Variants in PGBD1 observed in about 807,000 individuals in gnomAD.
PGBD1 encodes piggyBac transposable element-derived protein 1.
A neutral mutation model predicts 34.7 loss-of-function variants in PGBD1; 25 were observed. That is an observed-to-expected ratio of 0.72 (90% CI 0.52 to 1.00). The LOEUF is 1.00. PGBD1 is among the 50% of genes least tolerant of loss of function. PGBD1 has a pLI of 0.00. For synonymous variants in PGBD1, 292 were observed against 335.7 expected, an observed-to-expected ratio of 0.87 and a Z score of 1.42; for missense variants, 830 against 959.4, an observed-to-expected ratio of 0.87 and a Z score of 1.78.
In PGBD1 at chr6:28,300,140, A is replaced by G. The variant is rs1172919997; in HGVS notation, c.870-584A>G. ...CCAGAGTAGTATGTCCATCAGATGA[A>G]TGTAGAACTAGCAGGGGCTAAGTCC... On this transcript the variant is annotated intron_variant, in intron 6 of 6. Coordinates refer to ENST00000682144, the MANE Select transcript of PGBD1 (RefSeq NM_032507.4). This position sits in a 1 kb window ranked among gnomAD's most constrained non-coding sequence, Gnocchi z 4.0. Among the ~76,000 whole-genome samples, 1 of 152,230 alleles carries G rather than the reference A, an allele frequency of 6.6e-6. No individual in the cohort carries two copies. The highest frequency in any genetic ancestry group is 1.5e-5 in the Non-Finnish European group (1 of 68,042).
Position 28,287,179 on chromosome 6 carries a change from TG to T in PGBD1, c.642+12del. 5.7e-6 allele frequency: 9 copies of T among 1,591,606 alleles called. No homozygotes were observed. Among genetic ancestry groups the T allele is most frequent in the Non-Finnish European group, 7.8e-6 (9 of 1,159,530 alleles). ...CCAGTCAGGTCCCAGGTAAGTAGGA[TG>T]CCCAAGCTTGTAGGAATATCAGTAG... On this transcript the variant is annotated intron_variant, in intron 4 of 6. Transcript: ENST00000682144.
In PGBD1 at chr6:28,287,112, G is replaced by GA. The variant is rs749589486; in HGVS notation, c.593dup (p.Asn198LysfsTer12). On this transcript the variant is annotated frameshift_variant, in exon 4 of 7. Transcript: ENST00000682144. LOFTEE classifies it high-confidence loss of function. ...TCCCCACGGATCAGCTCATCTCCAG[G>GA]AAAAAAACCCCAGAGACAAGGCTGT... is the stretch of plus-strand genomic sequence containing the variant. The GA allele has an allele frequency of 1.2e-5, 20 of 1,613,776 alleles. No individual in the cohort carries two copies. The highest frequency in any genetic ancestry group is 6.7e-5 in the Admixed American group (4 of 59,968).
Position 28,297,822 on chromosome 6 carries a change from T to TTG in PGBD1, c.773-72_773-71insGT. ...TCTATTCCCTACCCTGGAAGTTTTT[T>TTG]TTTTTTTTTTTTTTTTTTTTTTTCA... On this transcript the variant is annotated intron_variant, in intron 5 of 6. Coordinates refer to ENST00000682144, the MANE Select transcript of PGBD1 (RefSeq NM_032507.4). 6 of 173,644 alleles carry TTG rather than the reference T, an allele frequency of 3.5e-5. No individual in the cohort carries two copies. In the South Asian group the frequency reaches 9.3e-4, roughly 27 times the overall value. The allele number at this position is 173,644 out of a possible 1,614,324, so 10.8% of individuals were successfully genotyped here. A position where few individuals can be genotyped will look rare whatever the true frequency, so the allele number is the denominator to read the frequency against.
intron 4 of PGBD1, among the ~76,000 whole-genome samples, chr6:28,295,984 C>T (rs190886106): frequency 1.3e-5 from 2 of 152,304 alleles, no homozygotes; most frequent in Non-Finnish European, 2.9e-5. Flanking sequence ...AAGACTGGCA[C>T]TGTGTCCTTT....
At chr6:28,295,920 A>G (rs1361029403) in intron 4 of PGBD1, among the ~76,000 whole-genome samples, 1 of 152,194 alleles carries the variant, frequency 6.6e-6, no homozygotes, top group Non-Finnish European at 1.5e-5. Flanking sequence ...TTAAAGAGAA[A>G]ACATCTTCTG....
At chr6:28,286,688 T>C (rs1762293662) in intron 3 of PGBD1, among the ~76,000 whole-genome samples, 1 of 152,118 alleles carries the variant, frequency 6.6e-6, no homozygotes, top group South Asian at 2.1e-4. Flanking sequence ...CTTTCCTGTT[T>C]CCCCTCAGTC....
chr6:28,301,638 A>T lies in PGBD1; in HGVS notation c.1784A>T (p.Asp595Val). ...CAAGAAGAATCAACTATGAAGGTAGATGAGGATCCTGATCTTGGGTTAGGT... is the reference window on the plus strand; with the variant it reads ...CAAGAAGAATCAACTATGAAGGTAGTTGAGGATCCTGATCTTGGGTTAGGT... ...PYQEESTMKV[D>V]EDPDLGLGGN... Residue 595 changes from aspartate (D) to valine (V), a missense_variant, in exon 7 of 7, where the codon GAT (aspartate) becomes GTT (valine). Asp to Val is a radical substitution (Grantham distance 152). This residue lies in a region of PGBD1 where 372 missense variants were observed against 427.9 expected (regional missense o/e 0.87). Transcript: ENST00000682144. 2 of 1,614,210 alleles carry T rather than the reference A, an allele frequency of 1.2e-6. No homozygotes were observed. The highest frequency in any genetic ancestry group is 1.1e-5 in the South Asian group (1 of 91,092).
At chr6:28,288,442 C>A (rs1762352277) in intron 4 of PGBD1, among the ~76,000 whole-genome samples, 1 of 152,156 alleles carries the variant, frequency 6.6e-6, no homozygotes, top group Non-Finnish European at 1.5e-5. Context: ...TAGCTCATGG[C>A]AGAAAGTGGA....
chr6:28,302,546 T>C lies in PGBD1; in HGVS notation c.*262T>C, dbSNP rs914563261. On this transcript the variant is annotated 3_prime_UTR_variant, in exon 7 of 7. Coordinates refer to ENST00000682144, the MANE Select transcript of PGBD1 (RefSeq NM_032507.4). Reference sequence around the variant, plus strand: ...CATGGGAAATCATGTATTTGTTCAATTGACTACTTTGTGCACTTATTTATT... The same window carrying C: ...CATGGGAAATCATGTATTTGTTCAACTGACTACTTTGTGCACTTATTTATT... The C allele has an allele frequency of 1.8e-5, 7 of 390,836 alleles. No homozygotes were observed. The highest frequency in any genetic ancestry group is 1.7e-4 in the Admixed American group (4 of 23,726). The allele number at this position is 390,836 out of a possible 1,614,324, so 24.2% of individuals were successfully genotyped here. A position where few individuals can be genotyped will look rare whatever the true frequency, so the allele number is the denominator to read the frequency against.
In PGBD1 at chr6:28,300,970, G is replaced by GATCC. The variant is rs1762818442; in HGVS notation, c.1118_1121dup (p.Gln374HisfsTer24). ...ATGTGGAAAAAGATAATGAGCCTGA[G>GATCC]ATCCAGCCTGCTCAAAAGAAGTTAA... On this transcript the variant is annotated frameshift_variant, in exon 7 of 7. Coordinates refer to ENST00000682144, the MANE Select transcript of PGBD1 (RefSeq NM_032507.4). LOFTEE classifies it low-confidence loss of function (END_TRUNC). The surrounding 1 kb of genome is among the most constrained non-coding windows in gnomAD (Gnocchi z 4.0). 6.2e-7 allele frequency: 1 copy of GATCC among 1,614,028 alleles called. No homozygotes were observed. Among genetic ancestry groups the GATCC allele is most frequent in the Admixed American group, 1.7e-5 (1 of 59,984 alleles).
In PGBD1 at chr6:28,300,201, G is replaced by A. The variant is rs913783612; in HGVS notation, c.870-523G>A. Among the ~76,000 whole-genome samples, 2 of 152,172 alleles carry A rather than the reference G, an allele frequency of 1.3e-5. No individual in the cohort carries two copies. The highest frequency in any genetic ancestry group is 4.8e-5 in the African/African-American group (2 of 41,430). On this transcript the variant is annotated intron_variant, in intron 6 of 6. Transcript: ENST00000682144. The surrounding 1 kb of genome is among the most constrained non-coding windows in gnomAD (Gnocchi z 4.0). Reference sequence around the variant, plus strand: ...AGAAATTCTGTGAGAGATGTCAGAAGACCTGGTAAATAATAACCTTTTTTT... The same window carrying A: ...AGAAATTCTGTGAGAGATGTCAGAAAACCTGGTAAATAATAACCTTTTTTT...
intron 6 of PGBD1, among the ~76,000 whole-genome samples, chr6:28,298,863 G>A (rs1167567870): frequency 1.3e-5 from 2 of 152,106 alleles, no homozygotes; most frequent in Admixed American, 6.5e-5. Context: ...CACAAGCAGA[G>A]GGTTGGCTTC....
chr6:28,297,845 T>TTTTTAAAAAAAAAAAA, intron 5 of PGBD1, 50 bp from the exon 6 acceptor site: 4 of 283,632 alleles, frequency 1.4e-5, no homozygotes, highest in African/African-American at 3.5e-5. Context: ...TTTTTTTTTT[T>TTTTTAAAAAAAAAAAA]CAAAATTCAC....
chr6:28,284,019 G>A lies in PGBD1; in HGVS notation c.206G>A (p.Cys69Tyr). Residue 69 changes from cysteine to tyrosine, a missense_variant, in exon 2 of 7, where the codon TGT becomes TAT. Physicochemically the swap from Cys to Tyr is radical, Grantham distance 194 (BLOSUM62 -2). Around this residue, in one of 3 missense-constraint regions of PGBD1, gnomAD observed 457 missense variants for 515.4 expected, o/e 0.89. Transcript: ENST00000682144. ...GCTCTGGCCCAACTCCGAGAACTTT[G>A]TCATCAATGGCTGAGACCGGAGATG... ...QEALAQLREL[C>Y]HQWLRPEMHT... 6.2e-7 allele frequency: 1 copy of A among 1,614,162 alleles called. No individual in the cohort carries two copies. Among genetic ancestry groups the A allele is most frequent in the Non-Finnish European group, 8.5e-7 (1 of 1,180,002 alleles).
chr6:28,301,407 A>G lies in PGBD1; in HGVS notation c.1553A>G (p.Lys518Arg), dbSNP rs758364503. 4 of 1,614,088 alleles carry G rather than the reference A, an allele frequency of 2.5e-6. No homozygotes were observed. Among genetic ancestry groups the G allele is most frequent in the East Asian group, 4.5e-5 (2 of 44,872 alleles). ...ADNGHLDQKD[K>R]FTKLRPLIKQ... is the part of the protein sequence containing the mutation. ...AATGGCCACCTAGATCAAAAAGATA[A>G]GTTTACAAAGTTGAGACCTCTCATA... The change falls in exon 7 of 7, where the codon AAG becomes AGG. Residue 518 changes from lysine to arginine, a missense_variant. Coordinates refer to ENST00000682144, the MANE Select transcript of PGBD1 (RefSeq NM_032507.4).
Position 28,301,913 on chromosome 6 carries a change from T to C in PGBD1, c.2059T>C (p.Cys687Arg). 1.9e-6 allele frequency: 3 copies of C among 1,614,108 alleles called. No individual in the cohort carries two copies. The highest frequency in any genetic ancestry group is 2.5e-6 in the Non-Finnish European group (3 of 1,180,012). Reference sequence around the variant, plus strand: ...AGAAGAAAACAATGAGATAATTTTGTGTCGTTGGTATGGGGATGGCATTAT... The same window carrying C: ...AGAAGAAAACAATGAGATAATTTTGCGTCGTTGGTATGGGGATGGCATTAT... ...RIEENNEIIL[C>R]RWYGDGIISL... is the part of the protein sequence containing the mutation. Residue 687 changes from cysteine to arginine, a missense_variant, in exon 7 of 7, where the codon TGT becomes CGT. Transcript: ENST00000682144.
Position 28,300,670 on chromosome 6 carries a change from T to G in PGBD1, c.870-54T>G. On this transcript the variant is annotated intron_variant, in intron 6 of 6. Transcript: ENST00000682144. The surrounding 1 kb of genome is among the most constrained non-coding windows in gnomAD (Gnocchi z 4.0). ...TTTAAGCTTCAGCAGATTTATCATG[T>G]GTGAGAGAATATGATTGAGGATTTT... 6.5e-7 allele frequency: 1 copy of G among 1,528,394 alleles called. No individual in the cohort carries two copies. Among genetic ancestry groups the G allele is most frequent in the Non-Finnish European group, 8.8e-7 (1 of 1,132,898 alleles). The allele number at this position is 1,528,394 out of a possible 1,614,324, so 94.7% of individuals were successfully genotyped here.
chr6:28,293,331 T>G (rs1762527797), intron 4 of PGBD1, among the ~76,000 whole-genome samples: 2 of 152,208 alleles, frequency 1.3e-5, no homozygotes, highest in Non-Finnish European at 2.9e-5. Flanking sequence ...ACAATTCTGT[T>G]GTTTTCCACT....
chr6:28,295,734 A>G (rs1762608308), intron 4 of PGBD1, among the ~76,000 whole-genome samples: 2 of 152,232 alleles, frequency 1.3e-5, no homozygotes, highest in African/African-American at 4.8e-5. Context: ...TGACTTTCAC[A>G]TGCACTCGGA....
Sources: allele counts gnomAD v4.1 joint callset (sites outside exome capture counted in the v4.1 genomes callset), GRCh38; gene constraint gnomAD v4.1.1; regional missense constraint gnomAD v4.1.1; non-coding constraint Gnocchi (gnomAD v3.1); transcripts MANE v1.5; gene names NCBI Gene and HGNC (gene_info 2026-07-23, HGNC 2026-07-21).